MALAT1: variants seen among roughly 807,000 people sequenced by gnomAD.
MALAT1 encodes the protein metastasis associated lung adenocarcinoma transcript 1.
At chr11:65,498,989 T>G (rs754397792) in exon 3 of MALAT1, 7 of 518,908 alleles carry the variant, frequency 1.3e-5, no homozygotes, top group South Asian at 5.6e-5. Context: ...GTGATCGAAT[T>G]CCGGTGATGC....
At chr11:65,500,051 C>T (rs184444254) in exon 3 of MALAT1, 4 of 440,286 alleles carry the variant, frequency 9.1e-6, no homozygotes, top group African/African-American at 6.1e-5. Context: ...TCTGGTGGTG[C>T]AGAAGTTAGA....
intron 3 of MALAT1, chr11:65,505,505 T>C: frequency 1.9e-6 from 1 of 515,702 alleles, no homozygotes; most frequent in South Asian, 1.4e-5. Flanking sequence ...TTTCCCTAGC[T>C]TTTCCAGAAG....
intron 1 of MALAT1, chr11:65,498,203 C>T (rs752340953): frequency 1.2e-5 from 6 of 518,822 alleles, no homozygotes; most frequent in African/African-American, 5.8e-5. Context: ...TCTTCGGAGA[C>T]AAAGCCATTC....
chr11:65,503,660 A>G (rs769861810), exon 3 of MALAT1: 8 of 513,760 alleles, frequency 1.6e-5, no homozygotes, highest in Non-Finnish European at 2.7e-5. Flanking sequence ...CCTTATTTAA[A>G]TAAAATAGTG....
chr11:65,503,900 A>C (rs779032809), exon 3 of MALAT1: 1 of 517,356 alleles, frequency 1.9e-6, no homozygotes. Flanking sequence ...ATAACCTCTT[A>C]GACAGGTGGG....
intron 3 of MALAT1, chr11:65,504,482 T>G (rs770754674): frequency 5.8e-6 from 3 of 518,970 alleles, no homozygotes; most frequent in Non-Finnish European, 1.2e-5. Flanking sequence ...GTAGTGATTG[T>G]TGAAGGAAAA....
At chr11:65,504,931 G>A in intron 3 of MALAT1, 1 of 518,810 alleles carries the variant, frequency 1.9e-6, no homozygotes, top group Non-Finnish European at 3.8e-6. Context: ...TGTGGGGATT[G>A]GGAACCACTA....
chr11:65,498,373 G>C (rs1030849106), intron 1 of MALAT1: 4 of 518,412 alleles, frequency 7.7e-6, no homozygotes, highest in South Asian at 2.8e-5. Context: ...GATCAGAGTG[G>C]GCCACTGGCA....
chr11:65,497,949 G>C, intron 1 of MALAT1: 1 of 518,972 alleles, frequency 1.9e-6, no homozygotes, highest in Non-Finnish European at 3.8e-6. Context: ...TATCTTAGCT[G>C]TCCTTATAGG....
At chr11:65,504,907 C>T (rs764244861) in intron 3 of MALAT1, 3 of 518,784 alleles carry the variant, frequency 5.8e-6, no homozygotes, top group African/African-American at 1.9e-5. Context: ...ATAAACCAAA[C>T]ATTCCATTTT....
chr11:65,498,077 C>T (rs560592263), intron 1 of MALAT1: 43 of 518,940 alleles, frequency 8.3e-5, no homozygotes, highest in South Asian at 5.2e-4. Context: ...GTCTGAAGCT[C>T]ATACCTAACC....
At chr11:65,497,874 C>G in intron 1 of MALAT1, 1 of 518,754 alleles carries the variant, frequency 1.9e-6, no homozygotes, top group Non-Finnish European at 3.9e-6. Context: ...AGGCAGGTCC[C>G]CTCTGACGCC....
chr11:65,500,399 G>A, exon 3 of MALAT1: 1 of 518,966 alleles, frequency 1.9e-6, no homozygotes, highest in Non-Finnish European at 3.8e-6. Flanking sequence ...GCTGACCCAG[G>A]TGCTACACAG....
chr11:65,505,476 G>T, intron 3 of MALAT1: 1 of 513,272 alleles, frequency 1.9e-6, no homozygotes, highest in Non-Finnish European at 3.9e-6. Context: ...GAGGGAAAGG[G>T]GGAAAGCGGG....
At chr11:65,503,570 A>G (rs1244013789) in exon 3 of MALAT1, 1 of 517,480 alleles carries the variant, frequency 1.9e-6, no homozygotes, top group Non-Finnish European at 3.9e-6. Flanking sequence ...GTTGTGATGT[A>G]AATTGTGTAG....
chr11:65,506,051 A>G (rs754232285), intron 3 of MALAT1: 3 of 447,966 alleles, frequency 6.7e-6, no homozygotes, highest in South Asian at 3.3e-5. Context: ...TGAGAAAACA[A>G]CACGTATTGT....
chr11:65,502,873 CATTTT>C, exon 3 of MALAT1: 2 of 492,810 alleles, frequency 4.1e-6, no homozygotes, highest in South Asian at 3.0e-5. Flanking sequence ...CGGAATCTAC[CATTTT>C]AAAGTTAATT....
chr11:65,505,284 G>GA (rs1565057147), intron 3 of MALAT1: 5 of 518,846 alleles, frequency 9.6e-6, no homozygotes, highest in South Asian at 7.0e-5. Context: ...CTAAGGTCAA[G>GA]AGAAGTGTCA....
At chr11:65,504,404 C>T (rs767469846) in intron 3 of MALAT1, 1 of 518,570 alleles carries the variant, frequency 1.9e-6, no homozygotes, top group Non-Finnish European at 3.8e-6. Flanking sequence ...GTTCTGATCC[C>T]GCTGCTATTA....
Sources: gnomAD v4.1 joint callset for allele counts on GRCh38, gnomAD v4.1.1 for gene constraint, MANE v1.5 for transcripts, NCBI Gene and HGNC (gene_info 2026-07-23, HGNC 2026-07-21) for gene names.